The following AK3 variants were observed in gnomAD, a reference collection of about 807,000 sequenced individuals.
The protein encoded by AK3 is GTP:AMP phosphotransferase AK3, mitochondrial.
Under a neutral mutation model 23.7 loss-of-function variants are expected in AK3, and 27 were observed. The observed-to-expected ratio is 1.14, with a 90% CI of 0.84 to 1.57. The LOEUF (loss-of-function observed/expected upper bound fraction) is 1.57, where lower values mean the gene tolerates loss of function less well. AK3 is among the 40% of genes most tolerant of loss of function. The pLI, the probability that AK3 is intolerant of heterozygous loss-of-function variation, is 0.00. For missense variants in AK3, 406 were observed against 285.6 expected, an observed-to-expected ratio of 1.42 and a Z score of -3.04; for synonymous variants, 159 against 116.0, an observed-to-expected ratio of 1.37 and a Z score of -2.38.
chr9:4,735,378 T>TACATATATAAATATAC lies in AK3; in HGVS notation c.151+5558_151+5559insGTATATTTATATATGT, dbSNP rs1587658846. On this transcript the variant is annotated intron_variant, in intron 1 of 4. Transcript: ENST00000381809. The stretch of plus-strand genomic sequence containing the variant: ...ATATATATATACATATATAAATATA[T>TACATATATAAATATAC]ATACATATATAAATATATATACATA... Among the ~76,000 whole-genome samples the TACATATATAAATATAC allele has an allele frequency of 2.9e-3, 136 of 47,242 alleles. 53 individuals carry two copies. The highest frequency in any genetic ancestry group is 0.015 in the Middle Eastern group (2 of 130). 31.0% of individuals were successfully genotyped at this position (47,242 alleles called of 152,430 possible). A position where few individuals can be genotyped will look rare whatever the true frequency, so the allele number is the denominator to read the frequency against.
intron 1 of AK3, among the ~76,000 whole-genome samples, chr9:4,727,006 T>C (rs1842036013): frequency 6.6e-6 from 1 of 152,150 alleles, no homozygotes; most frequent in Non-Finnish European, 1.5e-5. Context: ...GCAGTAATAC[T>C]TTCAAACGAA....
rs529055631 is a variant in AK3, at chr9:4,718,496, C to G, written c.486G>C (p.Glu162Asp). ...DLTGEPLIQR[E>D]DDKPETVIKR... is the part of the protein sequence containing the mutation. Reference sequence around the variant, plus strand: ...TGATAACCGTCTCTGGTTTATCATCCTCACGCTGAATGAGAGGCTCCCCAG... The same window carrying G: ...TGATAACCGTCTCTGGTTTATCATCGTCACGCTGAATGAGAGGCTCCCCAG... The change falls in exon 4 of 5, where the codon GAG becomes GAC. Residue 162 changes from glutamate (E) to aspartate (D), a missense_variant. Glu to Asp is a conservative substitution (Grantham distance 45, BLOSUM62 2). Coordinates refer to ENST00000381809, the MANE Select transcript of AK3 (RefSeq NM_016282.4). 6.2e-7 allele frequency: 1 copy of G among 1,613,788 alleles called. No individual in the cohort carries two copies. The highest frequency in any genetic ancestry group is 2.2e-5 in the East Asian group (1 of 44,882).
At chr9:4,726,310 A>G (rs1842022734) in intron 1 of AK3, among the ~76,000 whole-genome samples, 1 of 152,178 alleles carries the variant, frequency 6.6e-6, no homozygotes, top group African/African-American at 2.4e-5. Context: ...ACTTCTCTGT[A>G]GCATGCAGTG....
chr9:4,740,232 AAG>A (rs1297384364), intron 1 of AK3, among the ~76,000 whole-genome samples: 7 of 152,216 alleles, frequency 4.6e-5, no homozygotes, highest in Admixed American at 3.3e-4. Flanking sequence ...CAACCCTCTT[AAG>A]AGAGAATTTA....
intron 1 of AK3, among the ~76,000 whole-genome samples, chr9:4,730,454 T>C (rs755062749): frequency 6.6e-5 from 10 of 152,138 alleles, no homozygotes; most frequent in Non-Finnish European, 1.0e-4. Flanking sequence ...TTATTATTAA[T>C]GATAATATAA....
chr9:4,728,567 T>A (rs1434621925), intron 1 of AK3, among the ~76,000 whole-genome samples: 5 of 152,052 alleles, frequency 3.3e-5, no homozygotes, highest in Admixed American at 1.3e-4. Flanking sequence ...TGAAACTGTG[T>A]CTCAAACAAA....
At chr9:4,734,826 G>A (rs1029087710) in intron 1 of AK3, among the ~76,000 whole-genome samples, 2 of 152,266 alleles carry the variant, frequency 1.3e-5, no homozygotes, top group East Asian at 1.9e-4. Flanking sequence ...CGATAAAAAA[G>A]AATGAAGTAG....
intron 3 of AK3, 100 bp downstream of exon 3, chr9:4,719,035 T>A: frequency 7.8e-7 from 1 of 1,289,006 alleles, no homozygotes; most frequent in Non-Finnish European, 1.1e-6. Flanking sequence ...CCCTCAGGAG[T>A]TTTGGTCAGA....
chr9:4,728,856 T>C (rs371688986), intron 1 of AK3, among the ~76,000 whole-genome samples: 24,692 of 58,694 alleles, frequency 0.42, 2,876 homozygotes, highest in African/African-American at 0.53. Flanking sequence ...TATATATATA[T>C]ATATATATAT....
At chr9:4,737,012 G>A in intron 1 of AK3, among the ~76,000 whole-genome samples, 1 of 144,704 alleles carries the variant, frequency 6.9e-6, no homozygotes, top group African/African-American at 2.4e-5. Flanking sequence ...ATGCTACAGT[G>A]CAGCTTTCTC....
chr9:4,736,653 C>A (rs1018536453), intron 1 of AK3, among the ~76,000 whole-genome samples: 9 of 151,664 alleles, frequency 5.9e-5, no homozygotes, highest in Admixed American at 2.0e-4. Flanking sequence ...AAATGAGATT[C>A]ATAAGGGTTG....
At chr9:4,717,280 C>A (rs1490772940) in intron 4 of AK3, among the ~76,000 whole-genome samples, 1 of 152,180 alleles carries the variant, frequency 6.6e-6, no homozygotes, top group Non-Finnish European at 1.5e-5. Flanking sequence ...GGCAGTCAAT[C>A]CTCTGTAAGA....
intron 1 of AK3, among the ~76,000 whole-genome samples, chr9:4,723,494 G>T (rs1320671772): frequency 6.6e-6 from 1 of 152,116 alleles, no homozygotes; most frequent in Non-Finnish European, 1.5e-5. Context: ...AATGATTTAT[G>T]AACAATTTAA....
At chr9:4,714,166 C>G (rs1252201269) in intron 4 of AK3, among the ~76,000 whole-genome samples, 5 of 20,670 alleles carry the variant, frequency 2.4e-4, no homozygotes, top group South Asian at 1.6e-3. Flanking sequence ...ATACACACAC[C>G]TCCACACATA....
Position 4,741,017 on chromosome 9 carries a change from G to T in AK3, c.71C>A (p.Ser24Ter), listed in dbSNP as rs1483108721. ...CTCGAAGTGTGTAGTGATGCGCGAC[G>T]ACACGGTGCCCTTGCCCGAGCCCGG... Reference protein sequence around the residue: ...GAPGSGKGTVSSRITTHFELK... With the variant: ...GAPGSGKGTV Residue 24 changes from serine (S) to a stop codon, truncating the protein, a stop_gained, in exon 1 of 5, where the codon TCG becomes TAG. Coordinates refer to ENST00000381809, the MANE Select transcript of AK3 (RefSeq NM_016282.4). LOFTEE classifies it high-confidence loss of function. The T allele has an allele frequency of 1.9e-6, 3 of 1,591,856 alleles. No individual in the cohort carries two copies. In the South Asian group the frequency reaches 3.4e-5, roughly 18 times the overall value.
intron 1 of AK3, among the ~76,000 whole-genome samples, chr9:4,737,797 T>A (rs534489061): frequency 5.3e-5 from 8 of 152,332 alleles, no homozygotes; most frequent in African/African-American, 1.9e-4. Flanking sequence ...ACTCCAAGTT[T>A]CAGTGATGAC....
intron 1 of AK3, among the ~76,000 whole-genome samples, chr9:4,733,046 A>G (rs185829859): frequency 6.6e-6 from 1 of 151,678 alleles, no homozygotes; most frequent in East Asian, 1.9e-4. Flanking sequence ...TAGGGGTCTC[A>G]CTATGTTGCC....
intron 1 of AK3, among the ~76,000 whole-genome samples, chr9:4,725,120 T>A (rs1841994046): frequency 6.6e-6 from 1 of 150,668 alleles, no homozygotes; most frequent in Non-Finnish European, 1.5e-5. Context: ...CCCTCCCAGG[T>A]TCAAGTGATT....
At chr9:4,729,570 C>T (rs181681620) in intron 1 of AK3, among the ~76,000 whole-genome samples, 1 of 152,178 alleles carries the variant, frequency 6.6e-6, no homozygotes, top group East Asian at 1.9e-4. Flanking sequence ...TGTGGTGGCT[C>T]ATGCCTGTAA....
Sources: allele counts gnomAD v4.1 joint callset (sites outside exome capture counted in the v4.1 genomes callset), GRCh38; gene constraint gnomAD v4.1.1; transcripts MANE v1.5; gene names NCBI Gene and HGNC (gene_info 2026-07-23, HGNC 2026-07-21).